The following PACSIN2 variants were observed in gnomAD, a reference collection of about 807,000 sequenced individuals.
The protein encoded by PACSIN2 is protein kinase C and casein kinase substrate in neurons protein 2.
A neutral mutation model predicts 63.8 loss-of-function variants in PACSIN2; 25 were observed. The observed-to-expected ratio is 0.39, with a 90% CI of 0.29 to 0.55. The LOEUF (loss-of-function observed/expected upper bound fraction) is 0.55. Among genes scored for constraint, PACSIN2 ranks in the 20% least tolerant of loss-of-function variants. PACSIN2 has a pLI of 0.62. For synonymous variants in PACSIN2, 255 were observed against 256.2 expected (o/e 1.00, Z 0.05); for missense variants, 518 against 646.9 (o/e 0.80, Z 2.16).
chr22:42,955,702 G>C (rs1933887219), intron 1 of PACSIN2, among the ~76,000 whole-genome samples: 1 of 152,220 alleles, frequency 6.6e-6, no homozygotes, highest in Non-Finnish European at 1.5e-5. Context: ...TGGCTTTACA[G>C]TCTTGCTTTC....
chr22:42,922,011 T>C (rs1211104427), intron 1 of PACSIN2, among the ~76,000 whole-genome samples: 2 of 152,200 alleles, frequency 1.3e-5, no homozygotes, highest in Non-Finnish European at 2.9e-5. Context: ...AGTGCTGGGA[T>C]TACAGGTGTG....
chr22:42,877,235 C>G (rs1051462232), intron 8 of PACSIN2, among the ~76,000 whole-genome samples: 4 of 152,190 alleles, frequency 2.6e-5, no homozygotes, highest in African/African-American at 7.2e-5. Flanking sequence ...CTTTTCCTTC[C>G]TTGCACCTGG....
intron 1 of PACSIN2, among the ~76,000 whole-genome samples, chr22:42,932,038 C>T (rs1283370608): frequency 6.6e-6 from 1 of 152,036 alleles, no homozygotes. Flanking sequence ...TTCTCTAAAC[C>T]ATCACATCAC....
At chr22:42,876,049 C>T in intron 10 of PACSIN2, 88 bp downstream of exon 10, 1 of 1,193,766 alleles carries the variant, frequency 8.4e-7, no homozygotes, top group South Asian at 1.5e-5. Flanking sequence ...CTAGCAAGAA[C>T]TTTTCCAGAC....
intron 2 of PACSIN2, among the ~76,000 whole-genome samples, chr22:42,906,808 A>C (rs1386788740): frequency 6.6e-6 from 1 of 152,200 alleles, no homozygotes; most frequent in African/African-American, 2.4e-5. Context: ...CGCAATATAC[A>C]CCATGTCTAC....
intron 1 of PACSIN2, among the ~76,000 whole-genome samples, chr22:43,009,474 T>A (rs907092939): frequency 6.6e-6 from 1 of 152,192 alleles, no homozygotes; most frequent in African/African-American, 2.4e-5. Context: ...TTAATCTGGG[T>A]CCACGCCTAT....
chr22:42,896,306 T>G (rs903850108), intron 2 of PACSIN2, among the ~76,000 whole-genome samples: 2 of 152,192 alleles, frequency 1.3e-5, no homozygotes, highest in African/African-American at 4.8e-5. Context: ...CCATAATGTT[T>G]CTGAGACTGA....
chr22:42,922,910 G>A (rs1932288347), intron 1 of PACSIN2, among the ~76,000 whole-genome samples: 1 of 152,134 alleles, frequency 6.6e-6, no homozygotes, highest in Non-Finnish European at 1.5e-5. Flanking sequence ...AAAGACCTGG[G>A]GGTGGGGCGG....
At chr22:42,944,672 A>G (rs1268822859) in intron 1 of PACSIN2, among the ~76,000 whole-genome samples, 1 of 152,246 alleles carries the variant, frequency 6.6e-6, no homozygotes, top group East Asian at 1.9e-4. Flanking sequence ...TAAGAAAACA[A>G]TGACGAGTTG....
chr22:42,962,540 G>C (rs1465308139), intron 1 of PACSIN2, among the ~76,000 whole-genome samples: 2 of 151,622 alleles, frequency 1.3e-5, no homozygotes, highest in African/African-American at 2.4e-5. Flanking sequence ...ACTTGGAAAA[G>C]GAGAAGAGGC....
At chr22:42,883,580 C>G (rs1358080142) in intron 6 of PACSIN2, among the ~76,000 whole-genome samples, 1 of 152,226 alleles carries the variant, frequency 6.6e-6, no homozygotes, top group African/African-American at 2.4e-5. Flanking sequence ...AGAACCAAGT[C>G]TCAGAGGGTA....
intron 5 of PACSIN2, among the ~76,000 whole-genome samples, chr22:42,887,518 G>A (rs886211164): frequency 6.6e-6 from 1 of 152,122 alleles, no homozygotes; most frequent in Non-Finnish European, 1.5e-5. Context: ...TTCCTGGAGT[G>A]CAGCCTCTCT....
chr22:42,983,150 C>T (rs1217845289), intron 1 of PACSIN2, among the ~76,000 whole-genome samples: 1 of 151,816 alleles, frequency 6.6e-6, no homozygotes, highest in East Asian at 1.9e-4. Flanking sequence ...AACCCCGTCT[C>T]TACTGAAAAT....
chr22:42,974,805 GAAGAA>G (rs963928916), intron 1 of PACSIN2, among the ~76,000 whole-genome samples: 1 of 150,970 alleles, frequency 6.6e-6, no homozygotes, highest in African/African-American at 2.4e-5. Context: ...AGGAGGAGAG[GAAGAA>G]AAGAGAAAGA....
chr22:42,957,880 T>C (rs1003270060), intron 1 of PACSIN2, among the ~76,000 whole-genome samples: 1 of 152,148 alleles, frequency 6.6e-6, no homozygotes, highest in South Asian at 2.1e-4. Flanking sequence ...GGCCCGCTTC[T>C]ATCAGTAACA....
intron 1 of PACSIN2, among the ~76,000 whole-genome samples, chr22:42,990,215 A>G (rs1922952354): frequency 6.6e-6 from 1 of 152,082 alleles, no homozygotes; most frequent in African/African-American, 2.4e-5. Context: ...ACATGAGGGC[A>G]GCCCTGGGCA....
At chr22:42,969,256 T>C (rs1921061720) in intron 1 of PACSIN2, among the ~76,000 whole-genome samples, 1 of 152,252 alleles carries the variant, frequency 6.6e-6, no homozygotes, top group Non-Finnish European at 1.5e-5. Context: ...TATCTCATTT[T>C]ACAAATTTCT....
intron 1 of PACSIN2, among the ~76,000 whole-genome samples, chr22:42,934,363 G>A (rs532802602): frequency 3.3e-5 from 5 of 152,236 alleles, no homozygotes; most frequent in Non-Finnish European, 2.9e-5. Flanking sequence ...TGTGCAGATC[G>A]CCTTTTCCCT....
At chr22:42,890,660 A>G (rs1283617757) in intron 4 of PACSIN2, among the ~76,000 whole-genome samples, 1 of 152,236 alleles carries the variant, frequency 6.6e-6, no homozygotes, top group Non-Finnish European at 1.5e-5. Flanking sequence ...GGTTGCAGTG[A>G]GCTGAGATTG....
Sources: gnomAD v4.1 joint callset for allele counts (sites outside exome capture counted in the v4.1 genomes callset) on GRCh38, gnomAD v4.1.1 for gene constraint, MANE v1.5 for transcripts, NCBI Gene and HGNC (gene_info 2026-07-23, HGNC 2026-07-21) for gene names.